The following CDH13 variants were observed in gnomAD, a reference collection of about 807,000 sequenced individuals.
CDH13 encodes the protein cadherin 13.
CDH13 carries 24 observed loss-of-function variants against 63.8 expected under a neutral mutation model. That is an observed-to-expected ratio of 0.38 (90% CI 0.27 to 0.53). CDH13 has a LOEUF of 0.53. Ranked by LOEUF, CDH13 falls within the 20% of genes least tolerant of loss-of-function variation. CDH13 has a pLI of 0.85. For synonymous variants in CDH13, 503 were observed against 355.3 expected, an observed-to-expected ratio of 1.42 and a Z score of -4.67; for missense variants, 1,049 against 903.1, an observed-to-expected ratio of 1.16 and a Z score of -2.07.
chr16:83,616,131 G>C (rs774297545), intron 8 of CDH13, among the ~76,000 whole-genome samples: 3 of 152,194 alleles, frequency 2.0e-5, no homozygotes, highest in Non-Finnish European at 4.4e-5. Flanking sequence ...AAGGAAAAGG[G>C]TGGTATGTGC....
intron 4 of CDH13, among the ~76,000 whole-genome samples, chr16:83,177,447 A>G (rs1349514111): frequency 1.3e-5 from 2 of 152,230 alleles, no homozygotes; most frequent in African/African-American, 4.8e-5. Flanking sequence ...TAACTCAGCT[A>G]TGATAGATCA....
At chr16:83,543,694 G>A (rs1429337697) in intron 7 of CDH13, among the ~76,000 whole-genome samples, 1 of 152,180 alleles carries the variant, frequency 6.6e-6, no homozygotes, top group Non-Finnish European at 1.5e-5. Context: ...CGTGAGAGCA[G>A]AGTGTATTCC....
At chr16:83,204,318 C>T (rs959684569) in intron 4 of CDH13, among the ~76,000 whole-genome samples, 1 of 152,194 alleles carries the variant, frequency 6.6e-6, no homozygotes, top group Non-Finnish European at 1.5e-5. Context: ...GACTCAGTTT[C>T]CTCCTCTGTA....
At chr16:83,695,100 A>C (rs1452602496) in intron 10 of CDH13, among the ~76,000 whole-genome samples, 1 of 152,120 alleles carries the variant, frequency 6.6e-6, no homozygotes, top group Non-Finnish European at 1.5e-5. Context: ...CCAGCTATTC[A>C]GGAGGCTAAG....
chr16:83,313,599 C>T (rs1158752177), intron 5 of CDH13, among the ~76,000 whole-genome samples: 3 of 133,048 alleles, frequency 2.3e-5, no homozygotes, highest in African/African-American at 5.8e-5. Flanking sequence ...GAAATTTTGA[C>T]ATGGGCAGTG....
chr16:82,863,395 C>G (rs2040014566), intron 2 of CDH13, among the ~76,000 whole-genome samples: 1 of 152,226 alleles, frequency 6.6e-6, no homozygotes, highest in South Asian at 2.1e-4. Flanking sequence ...TACTCATGGA[C>G]TCCAGTTGCT....
At chr16:83,455,886 G>A (rs758053553) in intron 6 of CDH13, among the ~76,000 whole-genome samples, 5 of 152,150 alleles carry the variant, frequency 3.3e-5, no homozygotes, top group African/African-American at 1.2e-4. Context: ...TTCATCTCTC[G>A]CAGCTCTGGA....
At chr16:83,422,993 A>T (rs923969018) in intron 6 of CDH13, among the ~76,000 whole-genome samples, 1 of 152,210 alleles carries the variant, frequency 6.6e-6, no homozygotes, top group Non-Finnish European at 1.5e-5. Context: ...TAAATTAGAC[A>T]TGCAAGATTT....
At chr16:83,489,682 G>A (rs1181846960) in intron 7 of CDH13, among the ~76,000 whole-genome samples, 1 of 152,108 alleles carries the variant, frequency 6.6e-6, no homozygotes, top group Non-Finnish European at 1.5e-5. Flanking sequence ...TCACATGGAT[G>A]CGATACTTTC....
chr16:83,489,900 T>C (rs1221136214), intron 7 of CDH13, among the ~76,000 whole-genome samples: 1 of 152,156 alleles, frequency 6.6e-6, no homozygotes, highest in Non-Finnish European at 1.5e-5. Context: ...TAAGGTTTGT[T>C]ACCTTGTCTC....
chr16:83,080,880 T>TG (rs1555579073), intron 3 of CDH13, among the ~76,000 whole-genome samples: 4 of 112,546 alleles, frequency 3.6e-5, no homozygotes, highest in African/African-American at 7.3e-5. Flanking sequence ...TGTTTTTTTT[T>TG]TTTTTTTTTT....
In CDH13 at chr16:83,167,205, A is replaced by G. The variant is rs148691078; in HGVS notation, c.483+41704A>G. 1.9e-3 allele frequency among the ~76,000 whole-genome samples: 287 copies of G among 151,946 alleles called. 3 individuals are homozygous for G. The highest frequency in any genetic ancestry group is 6.4e-3 in the African/African-American group (267 of 41,488). On this transcript the variant is annotated intron_variant, in intron 4 of 13. Coordinates refer to ENST00000567109, the MANE Select transcript of CDH13 (RefSeq NM_001257.5). ...CTGTAAGTGAAATGTAGTATTAAAA[A>G]AAAAAAAAAGGCCGGGCACAGTGGC...
chr16:83,758,329 C>G (rs1018107242), intron 11 of CDH13, among the ~76,000 whole-genome samples: 1 of 151,884 alleles, frequency 6.6e-6, no homozygotes, highest in Non-Finnish European at 1.5e-5. Context: ...AAATTCTTAA[C>G]AAAAATATTA....
At chr16:82,705,232 G>A (rs778132344) in intron 1 of CDH13, 6 of 450,512 alleles carry the variant, frequency 1.3e-5, no homozygotes, top group African/African-American at 8.0e-5. Context: ...ACATGAGAGG[G>A]AGGACAAGGT....
At chr16:82,843,470 T>C (rs568387703) in intron 1 of CDH13, among the ~76,000 whole-genome samples, 13 of 152,352 alleles carry the variant, frequency 8.5e-5, no homozygotes, top group Admixed American at 6.5e-4. Context: ...GGGGAAGATA[T>C]GTGGCATTCT....
intron 3 of CDH13, among the ~76,000 whole-genome samples, chr16:83,061,464 G>A (rs957056704): frequency 6.6e-6 from 1 of 152,174 alleles, no homozygotes; most frequent in Admixed American, 6.5e-5. Context: ...AATGGGATGA[G>A]TAACTGGCAG....
chr16:83,680,174 G>A (rs1343827615), intron 10 of CDH13, among the ~76,000 whole-genome samples: 1 of 152,210 alleles, frequency 6.6e-6, no homozygotes, highest in Non-Finnish European at 1.5e-5. Flanking sequence ...AGACAGACTT[G>A]CAGTTCAGGA....
Position 83,013,389 on chromosome 16 carries a change from C to G in CDH13, c.158-18621C>G, listed in dbSNP as rs185622570. ...TGAGTTCAGCTCCTGGATTCAGCATCTCAGTTAGGCCCACTCTAGTGAGTT... is the reference window on the plus strand; with the variant it reads ...TGAGTTCAGCTCCTGGATTCAGCATGTCAGTTAGGCCCACTCTAGTGAGTT... On this transcript the variant is annotated intron_variant, in intron 2 of 13. Coordinates refer to ENST00000567109, the MANE Select transcript of CDH13 (RefSeq NM_001257.5). Among the ~76,000 whole-genome samples the G allele has an allele frequency of 4.1e-3, 631 of 152,300 alleles. 8 individuals carry two copies. Among genetic ancestry groups the G allele is most frequent in the Non-Finnish European group, 4.1e-3 (276 of 68,028 alleles).
At chr16:82,648,198 C>G (rs955283545) in intron 1 of CDH13, among the ~76,000 whole-genome samples, 2 of 152,004 alleles carry the variant, frequency 1.3e-5, no homozygotes, top group Admixed American at 1.3e-4. Flanking sequence ...AATACAGTAT[C>G]CAAAGGCATA....
Sources: gnomAD v4.1 joint callset for allele counts (sites outside exome capture counted in the v4.1 genomes callset) on GRCh38, gnomAD v4.1.1 for gene constraint, MANE v1.5 for transcripts, NCBI Gene and HGNC (gene_info 2026-07-23, HGNC 2026-07-21) for gene names.